Variants in NEDD4 observed in about 807,000 individuals in gnomAD.
NEDD4 encodes the protein E3 ubiquitin-protein ligase NEDD4.
A neutral mutation model predicts 144.9 loss-of-function variants in NEDD4; 99 were observed. That is an observed-to-expected ratio of 0.68 (90% CI 0.58 to 0.81). The LOEUF is 0.81. NEDD4 is among the 30% of genes least tolerant of loss of function. NEDD4 has a pLI of 0.00. For missense variants in NEDD4, 985 were observed against 1,065.9 expected (o/e 0.92, Z 1.06); for synonymous variants, 318 against 350.6 (o/e 0.91, Z 1.04).
At chr15:55,937,298 C>A (rs185353916) in intron 4 of NEDD4, among the ~76,000 whole-genome samples, 2 of 151,970 alleles carry the variant, frequency 1.3e-5, no homozygotes, top group East Asian at 1.9e-4. Flanking sequence ...ATTTTTATGG[C>A]GAATACATTC....
chr15:55,831,662 G>A (rs1316753151), intron 27 of NEDD4, among the ~76,000 whole-genome samples: 1 of 152,184 alleles, frequency 6.6e-6, no homozygotes, highest in African/African-American at 2.4e-5. Context: ...TGCTTGATCA[G>A]TTCTGCAAAC....
chr15:55,839,008 T>C (rs1304545253), intron 21 of NEDD4, among the ~76,000 whole-genome samples: 2 of 151,716 alleles, frequency 1.3e-5, no homozygotes, highest in African/African-American at 4.8e-5. Flanking sequence ...TCGTGTTAAA[T>C]GTTTTATTTT....
At chr15:55,973,679 G>A (rs949014306) in intron 1 of NEDD4, among the ~76,000 whole-genome samples, 1 of 151,990 alleles carries the variant, frequency 6.6e-6, no homozygotes, top group Non-Finnish European at 1.5e-5. Flanking sequence ...CTGAATGATT[G>A]GCAGATCAAT....
intron 4 of NEDD4, among the ~76,000 whole-genome samples, chr15:55,935,126 C>T (rs2036860838): frequency 6.6e-6 from 1 of 152,034 alleles, no homozygotes; most frequent in South Asian, 2.1e-4. Flanking sequence ...CCTCGGCCTC[C>T]CAAAGTAGTG....
chr15:55,916,522 T>G lies in NEDD4; in HGVS notation c.291+8124A>C, dbSNP rs761825528. On this transcript the variant is annotated intron_variant, in intron 5 of 28. Coordinates refer to ENST00000435532, the MANE Select transcript of NEDD4 (RefSeq NM_006154.4). ...GCATCATCACTATCAGCTAAGACATTGCTAGACTGAAGATATCCACTGTAC... is the reference window on the plus strand; with the variant it reads ...GCATCATCACTATCAGCTAAGACATGGCTAGACTGAAGATATCCACTGTAC... 31 of 1,613,950 alleles carry G rather than the reference T, an allele frequency of 1.9e-5. No individual in the cohort carries two copies. Among genetic ancestry groups the G allele is most frequent in the Middle Eastern group, 1.6e-4 (1 of 6,084 alleles).
intron 1 of NEDD4, among the ~76,000 whole-genome samples, chr15:55,974,245 A>G (rs892311894): frequency 6.6e-6 from 1 of 152,196 alleles, no homozygotes; most frequent in South Asian, 2.1e-4. Context: ...TAAAAAGACC[A>G]GTAACAAATA....
intron 21 of NEDD4, among the ~76,000 whole-genome samples, chr15:55,839,877 G>A (rs1204469383): frequency 1.4e-5 from 2 of 147,082 alleles, no homozygotes; most frequent in East Asian, 4.1e-4. Flanking sequence ...ACAGGAGGCT[G>A]AGGCAGAGAA....
At chr15:55,960,239 CTG>C (rs71441416) in intron 2 of NEDD4, among the ~76,000 whole-genome samples, 169 of 152,292 alleles carry the variant, frequency 1.1e-3, no homozygotes, top group Middle Eastern at 3.4e-3. Flanking sequence ...CTAGGTGTGT[CTG>C]TGAGGGTGTT....
intron 5 of NEDD4, among the ~76,000 whole-genome samples, chr15:55,890,520 T>G (rs2035535148): frequency 6.6e-6 from 1 of 152,226 alleles, no homozygotes; most frequent in Non-Finnish European, 1.5e-5. Context: ...TACTGTAACA[T>G]TCCTTTTTTA....
chr15:55,923,653 A>AG (rs2036610111), intron 5 of NEDD4, among the ~76,000 whole-genome samples: 1 of 135,300 alleles, frequency 7.4e-6, no homozygotes, highest in African/African-American at 2.9e-5. Flanking sequence ...CTCAAAAAAA[A>AG]AAAAAAATAT....
intron 5 of NEDD4, among the ~76,000 whole-genome samples, chr15:55,914,613 C>T (rs914727707): frequency 6.6e-6 from 1 of 151,780 alleles, no homozygotes; most frequent in South Asian, 2.1e-4. Context: ...AGTATTAACT[C>T]GTGGCTAAAG....
rs1404364199 is a variant in NEDD4 at position 55,856,132 on chromosome 15, A to G, written c.1025T>C (p.Val342Ala). ...YTFEEQPTLP[V>A]LLPTSSGLPP... is the part of the protein sequence containing the mutation. Reference sequence around the variant, plus strand: ...TTGATGGGAGAGGGTAAAACTCACCACAGGAAGTGTAGGTTGTTCCTCAAA... The same window carrying G: ...TTGATGGGAGAGGGTAAAACTCACCGCAGGAAGTGTAGGTTGTTCCTCAAA... The change falls in exon 12 of 29, where the codon GTG becomes GCG. Residue 342 changes from valine (V) to alanine (A), a missense_variant and splice_region_variant. Transcript: ENST00000435532. 3.7e-6 allele frequency: 6 copies of G among 1,611,974 alleles called. No homozygotes were observed. The highest frequency in any genetic ancestry group is 5.1e-6 in the Non-Finnish European group (6 of 1,178,228).
At chr15:55,940,306 TTTGA>T (rs556710542) in intron 4 of NEDD4, among the ~76,000 whole-genome samples, 186 of 152,282 alleles carry the variant, frequency 1.2e-3, no homozygotes, top group Non-Finnish European at 2.0e-3. Flanking sequence ...TGTTTATGAC[TTTGA>T]TTGTGGTGAT....
chr15:55,975,103 G>A lies in NEDD4; in HGVS notation c.46-8557C>T, dbSNP rs868235756. ...AGACAGGGTTTCACCACGTTAGCCA[G>A]GCTGGTCTCAAACTCCTGACCTCAG... On this transcript the variant is annotated intron_variant, in intron 1 of 28. Coordinates refer to ENST00000435532, the MANE Select transcript of NEDD4 (RefSeq NM_006154.4). 3.3e-5 allele frequency among the ~76,000 whole-genome samples: 5 copies of A among 151,820 alleles called. No individual in the cohort carries two copies. The South Asian group carries it at 8.3e-4, about 25-fold the overall frequency.
At chr15:55,871,975 C>G (rs1359526718) in intron 7 of NEDD4, among the ~76,000 whole-genome samples, 1 of 151,942 alleles carries the variant, frequency 6.6e-6, no homozygotes, top group Admixed American at 6.6e-5. Flanking sequence ...GTTTTAAATT[C>G]CAGTCTTATG....
intron 21 of NEDD4, 75 bp from the exon 22 acceptor site, chr15:55,838,679 G>T: frequency 1.1e-6 from 1 of 926,674 alleles, no homozygotes; most frequent in Non-Finnish European, 1.7e-6. Context: ...GTATGTAGAG[G>T]GTCTGAATAA....
At chr15:55,935,381 G>T (rs1269437469) in intron 4 of NEDD4, among the ~76,000 whole-genome samples, 4 of 152,050 alleles carry the variant, frequency 2.6e-5, no homozygotes, top group South Asian at 2.1e-4. Flanking sequence ...GTCTGTCAGG[G>T]ATAGACAGCA....
intron 24 of NEDD4, among the ~76,000 whole-genome samples, chr15:55,837,570 T>G (rs944832634): frequency 1.3e-5 from 2 of 152,070 alleles, no homozygotes; most frequent in Admixed American, 1.3e-4. Flanking sequence ...GAGAATGGAA[T>G]AGGGAAAAGG....
chr15:55,888,007 T>C (rs1359643700), intron 5 of NEDD4, among the ~76,000 whole-genome samples: 1 of 152,170 alleles, frequency 6.6e-6, no homozygotes, highest in Non-Finnish European at 1.5e-5. Context: ...AAGTCATACA[T>C]GACAGACCCA....
Sources: gnomAD v4.1 joint callset for allele counts (sites outside exome capture counted in the v4.1 genomes callset) on GRCh38, gnomAD v4.1.1 for gene constraint, MANE v1.5 for transcripts, NCBI Gene and HGNC (gene_info 2026-07-23, HGNC 2026-07-21) for gene names.